Variants in FARP2 observed in about 807,000 individuals in gnomAD.
The protein encoded by FARP2 is FERM, ARHGEF and pleckstrin domain-containing protein 2.
FARP2 carries 111 observed loss-of-function variants against 130.5 expected under a neutral mutation model. The observed-to-expected ratio is 0.85, with a 90% confidence interval of 0.73 to 1.00. FARP2 has a LOEUF of 1.00. Ranked by LOEUF, FARP2 falls within the 50% of genes least tolerant of loss-of-function variation. The pLI is 0.00. For missense variants in FARP2, 1,385 were observed against 1,346.3 expected (o/e 1.03, Z -0.45); for synonymous variants, 504 against 516.9 (o/e 0.98, Z 0.34).
intron 14 of FARP2, among the ~76,000 whole-genome samples, chr2:241,457,294 T>C (rs2063876107): frequency 6.6e-6 from 1 of 151,390 alleles, no homozygotes. Flanking sequence ...CCTCCTTTGC[T>C]CCTTTCTTCT....
intron 2 of FARP2, among the ~76,000 whole-genome samples, chr2:241,376,007 C>T (rs1348706607): frequency 6.6e-6 from 1 of 152,180 alleles, no homozygotes; most frequent in Non-Finnish European, 1.5e-5. Context: ...TCCACAACTG[C>T]ATCAGTTAGC....
At chr2:241,402,224 G>T (rs1380687935) in intron 2 of FARP2, among the ~76,000 whole-genome samples, 1 of 152,192 alleles carries the variant, frequency 6.6e-6, no homozygotes, top group Non-Finnish European at 1.5e-5. Context: ...ATTTTCAAAG[G>T]TGTTTTCAAA....
intron 18 of FARP2, among the ~76,000 whole-genome samples, chr2:241,469,473 T>A (rs1359501188): frequency 2.6e-5 from 4 of 152,170 alleles, no homozygotes; most frequent in South Asian, 2.1e-4. Flanking sequence ...TAGCCATGAA[T>A]AGATATAAAT....
At chr2:241,360,690 A>T (rs1216910667) in intron 1 of FARP2, among the ~76,000 whole-genome samples, 1 of 151,796 alleles carries the variant, frequency 6.6e-6, no homozygotes, top group Non-Finnish European at 1.5e-5. Context: ...AAAAAAAAAA[A>T]GTGAATATTT....
At chr2:241,470,673 C>T (rs939006849) in intron 18 of FARP2, among the ~76,000 whole-genome samples, 1 of 151,156 alleles carries the variant, frequency 6.6e-6, no homozygotes, top group Non-Finnish European at 1.5e-5. Context: ...AGATACTGCT[C>T]TCAGGGGGTC....
intron 4 of FARP2, chr2:241,405,299 C>T (rs1167785986): frequency 1.3e-5 from 2 of 152,486 alleles, no homozygotes; most frequent in African/African-American, 4.8e-5. Flanking sequence ...GTGGTGTGAA[C>T]ACAGTTCTCT....
intron 4 of FARP2, among the ~76,000 whole-genome samples, chr2:241,405,625 A>G (rs1298786718): frequency 6.7e-6 from 1 of 149,876 alleles, no homozygotes; most frequent in African/African-American, 2.5e-5. Context: ...TTCAAAAATA[A>G]TGTGTTTTTA....
chr2:241,469,179 C>T (rs183385354), intron 18 of FARP2, among the ~76,000 whole-genome samples: 47 of 152,010 alleles, frequency 3.1e-4, no homozygotes, highest in African/African-American at 9.4e-4. Context: ...CTCCACTTCC[C>T]GGGTTCAAGT....
intron 2 of FARP2, among the ~76,000 whole-genome samples, chr2:241,382,691 T>C (rs910366454): frequency 3.9e-5 from 6 of 152,242 alleles, no homozygotes; most frequent in African/African-American, 1.2e-4. Context: ...TGATACATGT[T>C]GTGAAATTGT....
At chr2:241,472,787 G>T (rs1462886099) in intron 18 of FARP2, among the ~76,000 whole-genome samples, 1 of 151,082 alleles carries the variant, frequency 6.6e-6, no homozygotes, top group South Asian at 2.1e-4. Flanking sequence ...CTGTTCTGAA[G>T]GGACTCAGTT....
intron 1 of FARP2, among the ~76,000 whole-genome samples, chr2:241,371,737 A>G (rs1020723713): frequency 2.6e-5 from 4 of 151,910 alleles, no homozygotes; most frequent in African/African-American, 9.7e-5. Flanking sequence ...CACCTCCACC[A>G]GTTTTGCCAT....
chr2:241,474,678 G>A (rs369660023), intron 18 of FARP2, among the ~76,000 whole-genome samples: 234 of 151,774 alleles, frequency 1.5e-3, no homozygotes, highest in South Asian at 6.2e-3. Flanking sequence ...TGTAGTCCCC[G>A]CTACTCGGGA....
At chr2:241,362,935 G>A (rs2061222398) in intron 1 of FARP2, among the ~76,000 whole-genome samples, 1 of 152,242 alleles carries the variant, frequency 6.6e-6, no homozygotes. Flanking sequence ...ATGTGGAGCT[G>A]TGGTTCTGGG....
intron 8 of FARP2, among the ~76,000 whole-genome samples, chr2:241,429,509 G>A (rs187012192): frequency 5.3e-5 from 8 of 152,288 alleles, no homozygotes; most frequent in Admixed American, 3.9e-4. Flanking sequence ...TGATTCATGT[G>A]GCACATAGGG....
At chr2:241,458,919 C>A (rs998742390) in intron 14 of FARP2, among the ~76,000 whole-genome samples, 4 of 152,216 alleles carry the variant, frequency 2.6e-5, no homozygotes, top group African/African-American at 9.6e-5. Flanking sequence ...GGGTCCTCAC[C>A]GAGCCATGCC....
chr2:241,396,345 A>C lies in FARP2; in HGVS notation c.184-7483A>C, dbSNP rs56765388. On this transcript the variant is annotated intron_variant, in intron 2 of 26. Transcript: ENST00000264042. ...CAAAATTGACAAATGGGATCTAATT[A>C]AACTAAAGAGCTTCTGCACAGCAAA... Among the ~76,000 whole-genome samples, 55 of 152,292 alleles carry C rather than the reference A, an allele frequency of 3.6e-4. 1 individual carries two copies. Among genetic ancestry groups the C allele is most frequent in the African/African-American group, 1.3e-3 (52 of 41,564 alleles).
chr2:241,399,187 A>G (rs1490829874), intron 2 of FARP2, among the ~76,000 whole-genome samples: 1 of 152,188 alleles, frequency 6.6e-6, no homozygotes, highest in East Asian at 1.9e-4. Context: ...ACATTTGAAT[A>G]TCCTCTTTTG....
intron 18 of FARP2, among the ~76,000 whole-genome samples, chr2:241,472,427 G>A (rs1467892403): frequency 6.6e-6 from 1 of 150,722 alleles, no homozygotes; most frequent in African/African-American, 2.4e-5. Context: ...AGGCGACCCT[G>A]TTCTGAGGGA....
intron 8 of FARP2, among the ~76,000 whole-genome samples, chr2:241,421,328 T>C (rs1199312333): frequency 6.6e-5 from 10 of 152,172 alleles, no homozygotes; most frequent in Admixed American, 6.5e-4. Flanking sequence ...GTGGGAAATC[T>C]GTTTGTACAA....
Sources: allele counts gnomAD v4.1 joint callset (sites outside exome capture counted in the v4.1 genomes callset), GRCh38; gene constraint gnomAD v4.1.1; transcripts MANE v1.5; gene names NCBI Gene and HGNC (gene_info 2026-07-23, HGNC 2026-07-21).